XRCC5: variants seen among roughly 807,000 people sequenced by gnomAD.
The protein encoded by XRCC5 is DNA repair protein Ku80.
In XRCC5, 12 loss-of-function variants were observed where a neutral mutation model predicts 95.7. That is an observed-to-expected ratio of 0.13 (90% CI 0.08 to 0.20). The LOEUF is 0.20. Among genes scored for constraint, XRCC5 ranks in the 10% least tolerant of loss-of-function variants. The pLI, the probability that XRCC5 is intolerant of heterozygous loss-of-function variation, is 1.00. For synonymous variants in XRCC5, 281 were observed against 290.3 expected, an observed-to-expected ratio of 0.97 and a Z score of 0.33; for missense variants, 595 against 873.9, an observed-to-expected ratio of 0.68 and a Z score of 4.02.
chr2:216,143,682 C>T lies in XRCC5; in HGVS notation c.1476+2363C>T, dbSNP rs188106111. 7.5e-3 allele frequency among the ~76,000 whole-genome samples: 1,125 copies of T among 150,258 alleles called. 18 individuals are homozygous for T. Among genetic ancestry groups the T allele is most frequent in the African/African-American group, 0.026 (1,056 of 40,960 alleles). ...TTGAGTACTAACAATGAACCACGTG[C>T]GAAAGATACTATAAGCTGCTTTTTT... is the stretch of plus-strand genomic sequence containing the variant. On this transcript the variant is annotated intron_variant, in intron 13 of 20. Coordinates refer to ENST00000392132, the MANE Select transcript of XRCC5 (RefSeq NM_021141.4).
At chr2:216,159,253 T>C (rs1169773288) in intron 14 of XRCC5, among the ~76,000 whole-genome samples, 2 of 152,216 alleles carry the variant, frequency 1.3e-5, no homozygotes, top group Non-Finnish European at 2.9e-5. Flanking sequence ...AAAATCTTAA[T>C]TTCTTTATGT....
At chr2:216,143,961 G>A (rs1264241299) in intron 13 of XRCC5, among the ~76,000 whole-genome samples, 1 of 151,778 alleles carries the variant, frequency 6.6e-6, no homozygotes, top group Non-Finnish European at 1.5e-5. Context: ...TGATCCGCCC[G>A]CCTCGGCCTC....
intron 13 of XRCC5, among the ~76,000 whole-genome samples, chr2:216,146,777 G>A (rs1191326576): frequency 6.6e-6 from 1 of 152,134 alleles, no homozygotes; most frequent in Non-Finnish European, 1.5e-5. Context: ...GGGCAGTGGA[G>A]AATTTGCCCT....
rs146999822 is a variant in XRCC5 at position 216,149,323 on chromosome 2, C to T, written c.1670+1047C>T. Among the ~76,000 whole-genome samples, 100 of 152,138 alleles carry T rather than the reference C, an allele frequency of 6.6e-4. 1 individual carries two copies. Among genetic ancestry groups the T allele is most frequent in the Admixed American group, 1.8e-3 (28 of 15,266 alleles). On this transcript the variant is annotated intron_variant, in intron 14 of 20. Transcript: ENST00000392132. ...AAAAAAAAAATCATGTACTTGGTTC[C>T]GCCGCACCAACTGCCCGCCCCCCAT...
At chr2:216,146,978 G>A (rs538373917) in intron 13 of XRCC5, among the ~76,000 whole-genome samples, 4 of 152,248 alleles carry the variant, frequency 2.6e-5, no homozygotes, top group Admixed American at 2.6e-4. Context: ...TTGTAAGGAG[G>A]AGGGTTAGAT....
intron 19 of XRCC5, among the ~76,000 whole-genome samples, chr2:216,195,690 G>C (rs1689706300): frequency 6.6e-6 from 1 of 152,170 alleles, no homozygotes; most frequent in Non-Finnish European, 1.5e-5. Context: ...TATTGAATCT[G>C]ATTCAGCCAT....
intron 16 of XRCC5, among the ~76,000 whole-genome samples, chr2:216,168,365 A>G (rs995792416): frequency 5.9e-5 from 9 of 152,226 alleles, no homozygotes; most frequent in African/African-American, 4.8e-5. Context: ...ACATCTTAAT[A>G]TAATGAAACT....
intron 14 of XRCC5, among the ~76,000 whole-genome samples, chr2:216,155,233 T>G (rs1688818851): frequency 1.6e-5 from 1 of 64,048 alleles, no homozygotes; most frequent in Non-Finnish European, 2.9e-5. Flanking sequence ...GAGACTCCCA[T>G]CTCAAAAAAA....
In XRCC5 at chr2:216,127,532, T is replaced by A. The variant is rs1414790688; in HGVS notation, c.799-4T>A. 1 of 1,583,922 alleles carries A rather than the reference T, an allele frequency of 6.3e-7. No individual in the cohort carries two copies. The highest frequency in any genetic ancestry group is 1.4e-5 in the African/African-American group (1 of 72,760). Reference sequence around the variant, plus strand: ...TGTTTTCCCTTTGTGTTTTGGAATGTAAGATTCTACAGGAGAGAGTTAAAA... The same window carrying A: ...TGTTTTCCCTTTGTGTTTTGGAATGAAAGATTCTACAGGAGAGAGTTAAAA... On this transcript the variant is annotated splice_region_variant and splice_polypyrimidine_tract_variant and intron_variant, in intron 7 of 20. Transcript: ENST00000392132.
At chr2:216,203,987 AT>A (rs1689893615) in intron 19 of XRCC5, 1 of 243,834 alleles carries the variant, frequency 4.1e-6, no homozygotes, top group Non-Finnish European at 8.2e-6. Context: ...AAGCCAGCTT[AT>A]TTCCTATGGA....
intron 2 of XRCC5, among the ~76,000 whole-genome samples, chr2:216,116,234 C>T (rs1244833155): frequency 1.3e-5 from 2 of 151,918 alleles, no homozygotes; most frequent in East Asian, 3.9e-4. Flanking sequence ...CTGTATATGC[C>T]TGCCCCTGAA....
intron 6 of XRCC5, among the ~76,000 whole-genome samples, chr2:216,124,389 G>A (rs1257821536): frequency 6.6e-6 from 1 of 152,192 alleles, no homozygotes; most frequent in Non-Finnish European, 1.5e-5. Context: ...TGGGATTACA[G>A]GCATGCGACA....
At chr2:216,158,260 G>A (rs904289908) in intron 14 of XRCC5, among the ~76,000 whole-genome samples, 1 of 152,168 alleles carries the variant, frequency 6.6e-6, no homozygotes, top group African/African-American at 2.4e-5. Context: ...TTTCATCATA[G>A]TGCTTTCCTA....
intron 1 of XRCC5, among the ~76,000 whole-genome samples, chr2:216,110,968 ATCTTT>A (rs1246198917): frequency 7.2e-5 from 11 of 152,188 alleles, no homozygotes; most frequent in Non-Finnish European, 1.6e-4. Context: ...GTGAAAAATA[ATCTTT>A]TCTTTTCATG....
intron 16 of XRCC5, among the ~76,000 whole-genome samples, chr2:216,165,889 T>C (rs530080957): frequency 6.6e-6 from 1 of 152,232 alleles, no homozygotes; most frequent in African/African-American, 2.4e-5. Context: ...TGTGATTCTG[T>C]CCCCGACATC....
chr2:216,133,165 G>C (rs1481278327), intron 10 of XRCC5, among the ~76,000 whole-genome samples: 1 of 152,130 alleles, frequency 6.6e-6, no homozygotes, highest in Non-Finnish European at 1.5e-5. Flanking sequence ...GAACAGTTAA[G>C]GGAAGAAAAT....
chr2:216,189,603 G>A (rs1005261008), intron 16 of XRCC5, among the ~76,000 whole-genome samples: 2 of 152,170 alleles, frequency 1.3e-5, no homozygotes, highest in African/African-American at 4.8e-5. Context: ...AAGTATTTGT[G>A]GCTTTTGGAG....
At chr2:216,198,423 A>T (rs1689771673) in intron 19 of XRCC5, among the ~76,000 whole-genome samples, 1 of 152,132 alleles carries the variant, frequency 6.6e-6, no homozygotes, top group Non-Finnish European at 1.5e-5. Flanking sequence ...CCCACCTGTC[A>T]CTGTATCATG....
chr2:216,173,205 A>G (rs1689204085), intron 16 of XRCC5, among the ~76,000 whole-genome samples: 1 of 152,034 alleles, frequency 6.6e-6, no homozygotes, highest in African/African-American at 2.4e-5. Context: ...TATAACTTGT[A>G]AGTTTTTCTT....
Sources: gnomAD v4.1 joint callset for allele counts (sites outside exome capture counted in the v4.1 genomes callset) on GRCh38, gnomAD v4.1.1 for gene constraint, MANE v1.5 for transcripts, NCBI Gene and HGNC (gene_info 2026-07-23, HGNC 2026-07-21) for gene names.